Variants in OR51B5 observed in about 807,000 individuals in gnomAD.
OR51B5 encodes olfactory receptor 51B5.
For synonymous variants in OR51B5, 186 were observed against 144.8 expected, an observed-to-expected ratio of 1.28 and a Z score of -2.04; for missense variants, 456 against 374.6, an observed-to-expected ratio of 1.22 and a Z score of -1.79.
At chr11:5,489,172 G>A (rs920443951) in intron 1 of OR51B5, 1 of 1,613,278 alleles carries the variant, frequency 6.2e-7, no homozygotes, top group East Asian at 2.2e-5. Context: ...ATTCCGTAGT[G>A]TGGCTATTGT....
intron 1 of OR51B5, among the ~76,000 whole-genome samples, chr11:5,465,356 G>A (rs1032142051): frequency 2.6e-5 from 4 of 151,808 alleles, no homozygotes; most frequent in African/African-American, 9.7e-5. Context: ...GATGGCCAGT[G>A]ATGGTGAGCA....
intron 1 of OR51B5, among the ~76,000 whole-genome samples, chr11:5,350,682 T>C (rs1849066625): frequency 6.6e-6 from 1 of 152,232 alleles, no homozygotes; most frequent in South Asian, 2.1e-4. Flanking sequence ...TTGGTGCTAT[T>C]ATCAATTAGT....
At chr11:5,488,911 C>G in intron 1 of OR51B5, 1 of 1,614,054 alleles carries the variant, frequency 6.2e-7, no homozygotes, top group Non-Finnish European at 8.5e-7. Context: ...CCTCTGCCTT[C>G]TCTCACTCAC....
chr11:5,349,321 G>C (rs1849039104), intron 1 of OR51B5, among the ~76,000 whole-genome samples: 1 of 151,976 alleles, frequency 6.6e-6, no homozygotes, highest in Non-Finnish European at 1.5e-5. Context: ...TCCAATACTT[G>C]ACACACGGTA....
At chr11:5,472,156 A>T (rs1189039982) in intron 1 of OR51B5, among the ~76,000 whole-genome samples, 3 of 152,204 alleles carry the variant, frequency 2.0e-5, no homozygotes, top group African/African-American at 7.2e-5. Flanking sequence ...TCAGAACCAC[A>T]CAGTGAAGCT....
chr11:5,493,820 T>C (rs1487984864), intron 1 of OR51B5, among the ~76,000 whole-genome samples: 10 of 152,204 alleles, frequency 6.6e-5, no homozygotes, highest in Non-Finnish European at 1.0e-4. Context: ...AAAATTAGGA[T>C]TTGGCTGCCT....
intron 1 of OR51B5, among the ~76,000 whole-genome samples, chr11:5,423,894 C>T (rs1850399419): frequency 6.6e-6 from 1 of 152,096 alleles, no homozygotes; most frequent in Non-Finnish European, 1.5e-5. Flanking sequence ...GGAAGAAAAA[C>T]TCATTTTTTT....
intron 1 of OR51B5, among the ~76,000 whole-genome samples, chr11:5,353,947 T>C (rs1337019913): frequency 3.5e-5 from 4 of 113,230 alleles, no homozygotes; most frequent in Admixed American, 1.8e-4. Flanking sequence ...AGATTTTGTT[T>C]GTTTTACTCA....
At position 5,458,269 on chromosome 11, in the gene OR51B5, G is replaced by T. The variant is rs866179509; in HGVS notation, n.84+47300C>A. Among the ~76,000 whole-genome samples the T allele has an allele frequency of 3.9e-5, 6 of 152,250 alleles. No homozygotes were observed. In the South Asian group the frequency reaches 1.0e-3, roughly 26 times the overall value. On this transcript the variant is annotated intron_variant and non_coding_transcript_variant, in intron 1 of 4. Coordinates refer to the OR51B5 transcript ENST00000415970. Reference sequence around the variant, plus strand: ...TTATTGTTGACTTTGTCAAAGATCAGATGGTTGTAGGTGTGTGGCTTTGTT... The same window carrying T: ...TTATTGTTGACTTTGTCAAAGATCATATGGTTGTAGGTGTGTGGCTTTGTT...
intron 1 of OR51B5, among the ~76,000 whole-genome samples, chr11:5,495,092 C>G (rs180882522): frequency 2.2e-4 from 33 of 152,248 alleles, no homozygotes; most frequent in Admixed American, 1.8e-3. Flanking sequence ...AACAAGAATA[C>G]CTTTGTGGGA....
In OR51B5 at chr11:5,404,574, G is replaced by T. The variant is rs190687072; in HGVS notation, n.85-57664C>A. ...TGGACCAAGAAACAGGATGTGGGCG[G>T]GGCCAAATAAGGGAATAAAAGCTGG... is the stretch of plus-strand genomic sequence containing the variant. On this transcript the variant is annotated intron_variant and non_coding_transcript_variant, in intron 1 of 4. Transcript: ENST00000415970. Among the ~76,000 whole-genome samples, 356 of 152,276 alleles carry T rather than the reference G, an allele frequency of 2.3e-3. 1 individual carries two copies. The highest frequency in any genetic ancestry group is 8.1e-3 in the African/African-American group (338 of 41,562).
At chr11:5,427,822 C>G (rs1850472212) in intron 1 of OR51B5, among the ~76,000 whole-genome samples, 1 of 152,096 alleles carries the variant, frequency 6.6e-6, no homozygotes. Context: ...ACAACTTCAA[C>G]TATTTTTAAA....
chr11:5,364,257 G>A (rs943951155), intron 1 of OR51B5, among the ~76,000 whole-genome samples: 1 of 152,150 alleles, frequency 6.6e-6, no homozygotes, highest in South Asian at 2.1e-4. Flanking sequence ...ATAGTTAGAT[G>A]AGCTTTTGAT....
chr11:5,371,543 G>T (rs573316924), intron 1 of OR51B5, among the ~76,000 whole-genome samples: 1 of 152,182 alleles, frequency 6.6e-6, no homozygotes, highest in South Asian at 2.1e-4. Flanking sequence ...GGTTACATAA[G>T]TTTTAAGAGT....
intron 1 of OR51B5, among the ~76,000 whole-genome samples, chr11:5,385,908 T>C (rs1420209248): frequency 3.4e-5 from 5 of 149,064 alleles, no homozygotes; most frequent in Non-Finnish European, 7.4e-5. Flanking sequence ...TTTAAACTTA[T>C]ACATATGTGT....
intron 1 of OR51B5, among the ~76,000 whole-genome samples, chr11:5,369,192 A>G (rs1225748138): frequency 2.0e-5 from 3 of 150,172 alleles, no homozygotes; most frequent in African/African-American, 7.3e-5. Flanking sequence ...ATCCATTCAC[A>G]CATATAACCT....
intron 1 of OR51B5, among the ~76,000 whole-genome samples, chr11:5,395,047 C>T (rs1201393736): frequency 1.3e-5 from 2 of 152,192 alleles, no homozygotes; most frequent in Non-Finnish European, 1.5e-5. Context: ...AGTCAAGGAT[C>T]CTCTGGCTCA....
chr11:5,472,372 C>T (rs539128571), intron 1 of OR51B5, among the ~76,000 whole-genome samples: 1 of 152,212 alleles, frequency 6.6e-6, no homozygotes, highest in African/African-American at 2.4e-5. Flanking sequence ...AGATGAGGTC[C>T]CCACTTACCT....
At chr11:5,431,105 G>T (rs1162786572) in intron 1 of OR51B5, 26 of 422,486 alleles carry the variant, frequency 6.2e-5, no homozygotes, top group Non-Finnish European at 1.2e-4. Context: ...TAGGGCAGTT[G>T]CCTCAAAAGG....
Sources: gnomAD v4.1 joint callset for allele counts (sites outside exome capture counted in the v4.1 genomes callset) on GRCh38, gnomAD v4.1.1 for gene constraint, MANE v1.5 for transcripts, NCBI Gene and HGNC (gene_info 2026-07-23, HGNC 2026-07-21) for gene names.